ATP6V0D2: variants seen among roughly 807,000 people sequenced by gnomAD.
ATP6V0D2 encodes the protein ATPase H+ transporting V0 subunit d2, also known as V-type proton ATPase subunit d 2.
In ATP6V0D2, 40 loss-of-function variants were observed where a neutral mutation model predicts 40.0. The observed-to-expected ratio is 1.00, with a 90% CI of 0.78 to 1.30. The LOEUF (loss-of-function observed/expected upper bound fraction) is 1.30. ATP6V0D2 is among the 50% of genes most tolerant of loss of function. The pLI, the probability that ATP6V0D2 is intolerant of heterozygous loss-of-function variation, is 0.00. For missense variants in ATP6V0D2, 470 were observed against 423.1 expected, an observed-to-expected ratio of 1.11 and a Z score of -0.97; for synonymous variants, 179 against 156.3, an observed-to-expected ratio of 1.15 and a Z score of -1.08.
rs1818555894 is a variant in ATP6V0D2 at position 86,113,741 on chromosome 8, G to A, written c.163G>A (p.Gly55Ser). 2 of 1,612,218 alleles carry A rather than the reference G, an allele frequency of 1.2e-6. No homozygotes were observed. Among genetic ancestry groups the A allele is most frequent in the Non-Finnish European group, 1.7e-6 (2 of 1,179,054 alleles). ...LKIHLQTTDY[G>S]NFLANHTNPL... ...AATTCATCTCCAGACTACTGATTAT[G>A]GTAACTTTTTGGCTAATCACACAAA... is the stretch of plus-strand genomic sequence containing the variant. The change falls in exon 2 of 8, where the codon GGT becomes AGT. Residue 55 changes from glycine to serine, a missense_variant. By Grantham distance (56) the Gly-to-Ser change is moderately conservative (BLOSUM62 0). Transcript: ENST00000285393.
chr8:86,129,526 A>C (rs970724034), intron 2 of ATP6V0D2, among the ~76,000 whole-genome samples: 1 of 151,798 alleles, frequency 6.6e-6, no homozygotes, highest in East Asian at 2.0e-4. Flanking sequence ...AAAGGAAAAA[A>C]ATTGGCCGGG....
chr8:86,106,931 G>A (rs189412227), intron 1 of ATP6V0D2, among the ~76,000 whole-genome samples: 290 of 152,142 alleles, frequency 1.9e-3, no homozygotes, highest in African/African-American at 6.0e-3. Context: ...AGCACTTTGG[G>A]AGGCCGAGGC....
At chr8:86,102,241 T>C (rs1330313237) in intron 1 of ATP6V0D2, among the ~76,000 whole-genome samples, 1 of 152,166 alleles carries the variant, frequency 6.6e-6, no homozygotes, top group Non-Finnish European at 1.5e-5. Context: ...GAGAAATAAA[T>C]AGTGTGTGAA....
chr8:86,128,857 T>C (rs748114551), intron 2 of ATP6V0D2, among the ~76,000 whole-genome samples: 2 of 152,232 alleles, frequency 1.3e-5, no homozygotes, highest in Non-Finnish European at 2.9e-5. Context: ...GCTTCTTGTC[T>C]TCACACCACA....
chr8:86,152,436 C>T (rs563617115), intron 7 of ATP6V0D2, among the ~76,000 whole-genome samples: 10 of 152,162 alleles, frequency 6.6e-5, no homozygotes, highest in Non-Finnish European at 1.3e-4. Context: ...TAGGTATATA[C>T]CCAGTAATGG....
At chr8:86,117,908 C>T (rs1490447476) in intron 2 of ATP6V0D2, among the ~76,000 whole-genome samples, 3 of 152,010 alleles carry the variant, frequency 2.0e-5, no homozygotes, top group African/African-American at 7.2e-5. Context: ...AGGCTGGAGA[C>T]GCAAACTCCA....
chr8:86,145,642 T>C (rs16889845), intron 5 of ATP6V0D2, among the ~76,000 whole-genome samples: 26,038 of 152,140 alleles, frequency 0.17, 2,525 homozygotes, highest in East Asian at 0.32. Context: ...CATCATTAAC[T>C]GGTGACCCTA....
chr8:86,099,717 C>T (rs1818369760), intron 1 of ATP6V0D2, among the ~76,000 whole-genome samples: 1 of 152,188 alleles, frequency 6.6e-6, no homozygotes, highest in African/African-American at 2.4e-5. Context: ...TGGTCTTGAA[C>T]TCCTGACCTC....
intron 2 of ATP6V0D2, among the ~76,000 whole-genome samples, chr8:86,114,087 A>G (rs1364072952): frequency 6.6e-6 from 1 of 152,110 alleles, no homozygotes; most frequent in African/African-American, 2.4e-5. Context: ...TATAAACATG[A>G]TTATATCAGC....
At position 86,098,911 on chromosome 8, in the gene ATP6V0D2, C is replaced by A; in HGVS notation, c.-68C>A. The A allele has an allele frequency of 1.9e-6, 3 of 1,549,110 alleles. No homozygotes were observed. The highest frequency in any genetic ancestry group is 2.6e-6 in the Non-Finnish European group (3 of 1,144,560). ...TACTCGCACTTTTCCCAGGCTAGTG[C>A]AAATCTTCAGGGGCCGTCCAGGACT... On this transcript the variant is annotated 5_prime_UTR_variant, in exon 1 of 8. Transcript: ENST00000285393.
At chr8:86,145,483 G>A (rs1819057468) in intron 5 of ATP6V0D2, among the ~76,000 whole-genome samples, 1 of 152,066 alleles carries the variant, frequency 6.6e-6, no homozygotes, top group South Asian at 2.1e-4. Context: ...GTTGTGAAGT[G>A]AAAATCTTAT....
chr8:86,121,998 C>A (rs1051228866), intron 2 of ATP6V0D2, among the ~76,000 whole-genome samples: 25 of 152,126 alleles, frequency 1.6e-4, no homozygotes, highest in African/African-American at 6.0e-4. Flanking sequence ...GGAAGATCTG[C>A]TGGAGGGTTT....
At chr8:86,139,734 T>C in intron 3 of ATP6V0D2, 99 bp downstream of exon 3, 1 of 1,347,556 alleles carries the variant, frequency 7.4e-7, no homozygotes, top group Non-Finnish European at 1.0e-6. Context: ...AAAGAAAATG[T>C]ACTTTGATTT....
At chr8:86,117,809 G>A in intron 2 of ATP6V0D2, among the ~76,000 whole-genome samples, 1 of 152,158 alleles carries the variant, frequency 6.6e-6, no homozygotes, top group East Asian at 1.9e-4. Context: ...TCTGAAACAT[G>A]TAGATGGGAA....
At chr8:86,145,212 AAAG>A in intron 5 of ATP6V0D2, among the ~76,000 whole-genome samples, 6 of 22,384 alleles carry the variant, frequency 2.7e-4, no homozygotes, top group Non-Finnish European at 4.3e-4. Flanking sequence ...AGAAAGAAAG[AAAG>A]AAAGAAAGAA....
intron 4 of ATP6V0D2, among the ~76,000 whole-genome samples, chr8:86,141,832 A>C (rs981134800): frequency 3.9e-5 from 6 of 152,196 alleles, no homozygotes; most frequent in Non-Finnish European, 7.3e-5. Flanking sequence ...AATGGGGTGA[A>C]CAATATCAAT....
chr8:86,150,671 G>C (rs1467139085), intron 6 of ATP6V0D2, among the ~76,000 whole-genome samples: 1 of 152,080 alleles, frequency 6.6e-6, no homozygotes, highest in Non-Finnish European at 1.5e-5. Flanking sequence ...AGGGAAACAA[G>C]GTTAGCCACA....
intron 1 of ATP6V0D2, among the ~76,000 whole-genome samples, chr8:86,107,780 T>C (rs1366680007): frequency 6.6e-6 from 1 of 152,168 alleles, no homozygotes; most frequent in Admixed American, 6.5e-5. Flanking sequence ...AAGTGCCAGA[T>C]GTTATTCAAA....
intron 2 of ATP6V0D2, among the ~76,000 whole-genome samples, chr8:86,133,468 G>A (rs1316988721): frequency 4.0e-5 from 6 of 151,276 alleles, no homozygotes; most frequent in Admixed American, 2.6e-4. Context: ...GACTACAGGC[G>A]CCCACCACCA....
Sources: allele counts gnomAD v4.1 joint callset (sites outside exome capture counted in the v4.1 genomes callset), GRCh38; gene constraint gnomAD v4.1.1; transcripts MANE v1.5; gene names NCBI Gene and HGNC (gene_info 2026-07-23, HGNC 2026-07-21).